The following BRWD3 variants were observed in gnomAD, a reference collection of about 807,000 sequenced individuals.
BRWD3 encodes the protein bromodomain and WD repeat domain containing 3, also known as bromodomain and WD repeat-containing protein 3.
BRWD3 carries 10 observed loss-of-function variants against 149.7 expected under a neutral mutation model. The observed-to-expected ratio is 0.07, with a 90% CI of 0.04 to 0.11. The LOEUF (loss-of-function observed/expected upper bound fraction) is 0.11, where lower values mean the gene tolerates loss of function less well. Ranked by LOEUF, BRWD3 falls within the 10% of genes least tolerant of loss-of-function variation. The pLI is 1.00. For synonymous variants in BRWD3, 504 were observed against 456.7 expected, an observed-to-expected ratio of 1.10 and a Z score of -1.32; for missense variants, 940 against 1,373.2, an observed-to-expected ratio of 0.68 and a Z score of 4.99.
At chrX:80,771,038 C>G (rs761762097) in intron 6 of BRWD3, among the ~76,000 whole-genome samples, 14 of 111,652 alleles carry the variant, frequency 1.3e-4, no homozygotes, top group African/African-American at 4.6e-4. Context: ...AGGAATCCAA[C>G]TTATAAGGGA....
intron 6 of BRWD3, among the ~76,000 whole-genome samples, chrX:80,782,967 T>A (rs2074071235): frequency 9.2e-6 from 1 of 108,168 alleles, no homozygotes; most frequent in African/African-American, 3.4e-5. Flanking sequence ...AAAAAAAAAA[T>A]CTAATAATCC....
At chrX:80,739,809 A>C (rs2073458101) in intron 8 of BRWD3, among the ~76,000 whole-genome samples, 3 of 111,864 alleles carry the variant, frequency 2.7e-5, no homozygotes, top group South Asian at 7.3e-4. Context: ...TAAAATTATA[A>C]CAATATACTA....
At chrX:80,784,778 G>A (rs2074091968) in intron 6 of BRWD3, among the ~76,000 whole-genome samples, 1 of 111,678 alleles carries the variant, frequency 9.0e-6, no homozygotes, top group Non-Finnish European at 1.9e-5. Flanking sequence ...TCTTTATCCT[G>A]CCTATCATTG....
chrX:80,757,929 G>A (rs368937821), intron 6 of BRWD3, among the ~76,000 whole-genome samples: 9 of 112,250 alleles, frequency 8.0e-5, no homozygotes, highest in East Asian at 2.8e-4. Context: ...GGCTGGGCGC[G>A]GTGGCTCACG....
intron 19 of BRWD3, 46 bp from the exon 20 acceptor site, chrX:80,716,296 A>T (rs1264999495): frequency 1.0e-6 from 1 of 989,088 alleles, no homozygotes. Context: ...CAAGAAGAAA[A>T]CCAATCATTT....
intron 8 of BRWD3, among the ~76,000 whole-genome samples, chrX:80,741,239 T>G (rs1205934091): frequency 2.7e-5 from 3 of 112,112 alleles, no homozygotes; most frequent in Non-Finnish European, 3.8e-5. Context: ...GGACATGAAC[T>G]CATCACTTTG....
At chrX:80,803,280 C>T (rs1249711998) in intron 4 of BRWD3, among the ~76,000 whole-genome samples, 1 of 111,264 alleles carries the variant, frequency 9.0e-6, no homozygotes, top group African/African-American at 3.3e-5. Flanking sequence ...GGAACTAAAA[C>T]TAATATTCAA....
intron 4 of BRWD3, among the ~76,000 whole-genome samples, chrX:80,794,924 GCACCAAACCCACAAC>G (rs2074221513): frequency 9.0e-6 from 1 of 111,382 alleles, no homozygotes; most frequent in Admixed American, 9.6e-5. Context: ...GGTATTACTT[GCACCAAACCCACAAC>G]CAATAAAGCA....
At chrX:80,691,461 T>C (rs1227141139) in intron 30 of BRWD3, among the ~76,000 whole-genome samples, 1 of 111,574 alleles carries the variant, frequency 9.0e-6, no homozygotes, top group African/African-American at 3.3e-5. Context: ...TCAAGTGACA[T>C]GTTTTAGCAA....
chrX:80,705,069 C>T (rs1294364561), intron 22 of BRWD3, among the ~76,000 whole-genome samples: 1 of 111,054 alleles, frequency 9.0e-6, no homozygotes, highest in African/African-American at 3.3e-5. Context: ...AATTCGAGAC[C>T]AGCCTGGCCA....
intron 31 of BRWD3, 25 bp downstream of exon 31, chrX:80,691,027 TA>T (rs1204378469): frequency 5.8e-6 from 7 of 1,198,218 alleles, no homozygotes; most frequent in Non-Finnish European, 6.8e-6. Context: ...ATAAATTTTA[TA>T]ATAAGTGATT....
In BRWD3 at chrX:80,687,962, T is replaced by A. The variant is rs953110174; in HGVS notation, c.3864+107A>T. 7 of 605,194 alleles carry A rather than the reference T, an allele frequency of 1.2e-5. No homozygotes were observed. The African/African-American group carries it at 1.3e-4, about 12-fold the overall frequency. The allele number at this position is 605,194 out of a possible 1,213,427, so 49.9% of individuals were successfully genotyped here. A position where few individuals can be genotyped will look rare whatever the true frequency, so the allele number is the denominator to read the frequency against. On this transcript the variant is annotated intron_variant, in intron 34 of 40. Transcript: ENST00000373275. ...CAATGAGCATACCTAATATACTTAG[T>A]TGCAAGAATCCTTCTAGCAATTCTC...
At chrX:80,735,229 C>T (rs2073386117) in intron 9 of BRWD3, 32 bp from the exon 10 acceptor site, 1 of 1,124,890 alleles carries the variant, frequency 8.9e-7, no homozygotes, top group African/African-American at 1.8e-5. Flanking sequence ...TTTTGTGTTT[C>T]ATCATGTTTG....
rs753781215 is a variant in BRWD3, at chrX:80,800,495, G to A, written c.181-6723C>T. 6.0e-5 allele frequency among the ~76,000 whole-genome samples: 6 copies of A among 100,090 alleles called. No homozygotes were observed. In the South Asian group the frequency reaches 2.9e-3, roughly 48 times the overall value. The allele number at this position is 100,090 out of a possible 115,157, so 86.9% of individuals were successfully genotyped here. The stretch of plus-strand genomic sequence containing the variant: ...GTGGAGGCTGCAGTGAGCCATGATC[G>A]AGCCACTGCACTCCAGCCTGGGTAA... On this transcript the variant is annotated intron_variant, in intron 4 of 40. Transcript: ENST00000373275.
intron 6 of BRWD3, among the ~76,000 whole-genome samples, chrX:80,756,063 T>G (rs1420698305): frequency 2.7e-5 from 3 of 111,885 alleles, no homozygotes; most frequent in African/African-American, 9.7e-5. Context: ...CTAATACCTA[T>G]TCAAGAAAAA....
At chrX:80,694,223 G>T (rs1378537880) in intron 27 of BRWD3, among the ~76,000 whole-genome samples, 4 of 112,069 alleles carry the variant, frequency 3.6e-5, no homozygotes. Flanking sequence ...TGGGCCTACA[G>T]ATGCATAGAA....
intron 20 of BRWD3, among the ~76,000 whole-genome samples, chrX:80,713,652 A>G (rs1408445211): frequency 1.8e-5 from 2 of 109,946 alleles, no homozygotes; most frequent in East Asian, 2.8e-4. Context: ...ACCCTGCCAA[A>G]TCCCCCTCTG....
intron 6 of BRWD3, among the ~76,000 whole-genome samples, chrX:80,783,926 G>A (rs1403737042): frequency 9.0e-6 from 1 of 111,263 alleles, no homozygotes; most frequent in Admixed American, 9.7e-5. Context: ...GGCTGGGAAG[G>A]ATAGTGGGAA....
chrX:80,800,279 C>T (rs2074278990), intron 4 of BRWD3, among the ~76,000 whole-genome samples: 1 of 103,523 alleles, frequency 9.7e-6, no homozygotes, highest in Admixed American at 1.1e-4. Flanking sequence ...AATGAAAAAC[C>T]CCAGGGTACA....
Sources: gnomAD v4.1 joint callset for allele counts (sites outside exome capture counted in the v4.1 genomes callset) on GRCh38, gnomAD v4.1.1 for gene constraint, MANE v1.5 for transcripts, NCBI Gene and HGNC (gene_info 2026-07-23, HGNC 2026-07-21) for gene names.